TMEM132D: variants seen among roughly 807,000 people sequenced by gnomAD.
TMEM132D encodes the protein mature OL transmembrane protein.
A neutral mutation model predicts 62.3 loss-of-function variants in TMEM132D; 21 were observed. The ratio of observed to expected loss-of-function variants is 0.34; its 90% CI spans 0.24 to 0.49. TMEM132D has a LOEUF of 0.49. TMEM132D is among the 20% of genes least tolerant of loss of function. The probability of loss-of-function intolerance (pLI) is 0.99; values close to 1 mark genes in which losing one functional copy is unlikely to be tolerated. For synonymous variants in TMEM132D, 621 were observed against 575.6 expected (o/e 1.08, Z -1.13); for missense variants, 1,346 against 1,402.8 (o/e 0.96, Z 0.65).
intron 4 of TMEM132D, among the ~76,000 whole-genome samples, chr12:129,271,944 T>G (rs1880864035): frequency 1.3e-5 from 2 of 151,844 alleles, no homozygotes. Context: ...GATTGCTGGG[T>G]TAAACAGTAT....
intron 2 of TMEM132D, among the ~76,000 whole-genome samples, chr12:129,638,532 CAT>C (rs1212487027): frequency 8.0e-4 from 35 of 43,848 alleles, no homozygotes; most frequent in Admixed American, 7.7e-4. Context: ...AATATATAAA[CAT>C]ATATAAATAT....
rs879889386 is a variant in TMEM132D at position 129,136,759 on chromosome 12, TCATCACCATCATCAC to T, written c.1444-52072_1444-52058del. Reference sequence around the variant, plus strand: ...ATTACCATCATCACCACCTCCACCATCATCACCATCATCACCATCACCATCATCACCATCACCATC... The same window carrying T: ...ATTACCATCATCACCACCTCCACCATCATCACCATCATCACCATCACCATC... On this transcript the variant is annotated intron_variant, in intron 5 of 8. Transcript: ENST00000422113. Among the ~76,000 whole-genome samples, 197 of 139,926 alleles carry T rather than the reference TCATCACCATCATCAC, an allele frequency of 1.4e-3. 2 individuals carry two copies. Among genetic ancestry groups the T allele is most frequent in the Non-Finnish European group, 1.7e-3 (111 of 64,272 alleles). 91.8% of individuals were successfully genotyped at this position (139,926 alleles called of 152,430 possible).
intron 1 of TMEM132D, among the ~76,000 whole-genome samples, chr12:129,728,379 A>G (rs1869111220): frequency 6.6e-6 from 1 of 152,226 alleles, no homozygotes; most frequent in Non-Finnish European, 1.5e-5. Flanking sequence ...TGAGAACAGC[A>G]TATTTTCACT....
intron 1 of TMEM132D, among the ~76,000 whole-genome samples, chr12:129,743,387 G>A (rs916147170): frequency 1.3e-5 from 2 of 152,172 alleles, no homozygotes; most frequent in Non-Finnish European, 2.9e-5. Flanking sequence ...TGAGTTCACA[G>A]GAGATCTGAT....
rs112343776 is a variant in TMEM132D at position 129,317,711 on chromosome 12, T to A, written c.1299+19923A>T. ...GCTCTCTAGCAAGGCCAGGGAAGTT[T>A]TCCTCAATTTTCCCCCAAATACGTT... On this transcript the variant is annotated intron_variant, in intron 4 of 8. Transcript: ENST00000422113. 3.8e-4 allele frequency among the ~76,000 whole-genome samples: 58 copies of A among 152,340 alleles called. 3 individuals carry two copies. The highest frequency in any genetic ancestry group is 1.4e-3 in the African/African-American group (57 of 41,598).
At chr12:129,154,135 C>A (rs952405893) in intron 5 of TMEM132D, among the ~76,000 whole-genome samples, 1 of 152,142 alleles carries the variant, frequency 6.6e-6, no homozygotes, top group Non-Finnish European at 1.5e-5. Flanking sequence ...GTCCCACAGA[C>A]CTCATTTGGA....
At chr12:129,491,358 A>T (rs749821303) in intron 3 of TMEM132D, among the ~76,000 whole-genome samples, 1 of 152,162 alleles carries the variant, frequency 6.6e-6, no homozygotes, top group African/African-American at 2.4e-5. Context: ...CTGTTCACCA[A>T]AAACCATTTT....
At chr12:129,297,586 T>G (rs139038372) in intron 4 of TMEM132D, among the ~76,000 whole-genome samples, 1 of 152,122 alleles carries the variant, frequency 6.6e-6, no homozygotes, top group South Asian at 2.1e-4. Context: ...TCCTTTCCAG[T>G]TTAAGGTGCT....
intron 3 of TMEM132D, among the ~76,000 whole-genome samples, chr12:129,448,081 T>C (rs1172576462): frequency 6.6e-6 from 1 of 152,080 alleles, no homozygotes; most frequent in Non-Finnish European, 1.5e-5. Context: ...CATGAGGGAA[T>C]ATGGCCCACG....
chr12:129,584,862 T>C (rs1877979276), intron 2 of TMEM132D, among the ~76,000 whole-genome samples: 1 of 152,166 alleles, frequency 6.6e-6, no homozygotes, highest in Admixed American at 6.5e-5. Flanking sequence ...GTTCATATGC[T>C]AGCAAAAGAG....
intron 3 of TMEM132D, among the ~76,000 whole-genome samples, chr12:129,399,639 C>CAAA (rs61117388): frequency 0.23 from 30,202 of 130,430 alleles, 3,137 homozygotes; most frequent in South Asian, 0.38. Context: ...GAGGACGTCT[C>CAAA]AAAAAAAAAA....
At chr12:129,701,340 G>C (rs1022642001) in intron 1 of TMEM132D, among the ~76,000 whole-genome samples, 2 of 152,200 alleles carry the variant, frequency 1.3e-5, no homozygotes, top group Non-Finnish European at 2.9e-5. Context: ...TAAGGGGAGA[G>C]ATGCAGAGAA....
In TMEM132D at chr12:129,491,447, G is replaced by A. The variant is rs549161757; in HGVS notation, c.1115+39612C>T. Among the ~76,000 whole-genome samples, 11 of 152,258 alleles carry A rather than the reference G, an allele frequency of 7.2e-5. 1 individual carries two copies. The highest frequency in any genetic ancestry group is 2.2e-4 in the African/African-American group (9 of 41,552). ...AGGTGGCCCCAGGACTGAGACTTGC[G>A]GATGGAGGATGGGGTGGAGGGAAGC... On this transcript the variant is annotated intron_variant, in intron 3 of 8. Transcript: ENST00000422113.
intron 3 of TMEM132D, among the ~76,000 whole-genome samples, chr12:129,367,474 C>T (rs1028494690): frequency 6.6e-6 from 1 of 152,066 alleles, no homozygotes; most frequent in Admixed American, 6.5e-5. Context: ...GGGCATGGAC[C>T]CAGGTTGTCC....
At chr12:129,374,332 A>T (rs550370898) in intron 3 of TMEM132D, among the ~76,000 whole-genome samples, 2 of 150,914 alleles carry the variant, frequency 1.3e-5, no homozygotes, top group African/African-American at 4.9e-5. Context: ...TCCTATCATA[A>T]TACTACGGTC....
At chr12:129,324,857 T>G (rs1183935178) in intron 4 of TMEM132D, among the ~76,000 whole-genome samples, 1 of 152,180 alleles carries the variant, frequency 6.6e-6, no homozygotes, top group Non-Finnish European at 1.5e-5. Context: ...TGATAACTAC[T>G]TTAATTTTTT....
intron 5 of TMEM132D, among the ~76,000 whole-genome samples, chr12:129,205,817 A>G (rs957738247): frequency 1.3e-5 from 2 of 152,146 alleles, no homozygotes; most frequent in Non-Finnish European, 2.9e-5. Context: ...CATACCAACC[A>G]TACTCTCAGA....
intron 4 of TMEM132D, among the ~76,000 whole-genome samples, chr12:129,223,670 C>T (rs189009401): frequency 2.0e-5 from 3 of 152,288 alleles, no homozygotes; most frequent in East Asian, 1.9e-4. Context: ...CTTTGCAAGA[C>T]GAGAATATTA....
chr12:129,819,736 G>A (rs11060568), intron 1 of TMEM132D, among the ~76,000 whole-genome samples: 19,943 of 152,106 alleles, frequency 0.13, 1,893 homozygotes, highest in East Asian at 0.32. Flanking sequence ...ACTGCTGTTC[G>A]TGTTATTATT....
Sources: allele counts gnomAD v4.1 joint callset (sites outside exome capture counted in the v4.1 genomes callset), GRCh38; gene constraint gnomAD v4.1.1; transcripts MANE v1.5; gene names NCBI Gene and HGNC (gene_info 2026-07-23, HGNC 2026-07-21).